Variants in CORIN observed in about 807,000 individuals in gnomAD.
CORIN encodes atrial natriuretic peptide-converting enzyme.
CORIN carries 117 observed loss-of-function variants against 125.3 expected under a neutral mutation model. The ratio of observed to expected loss-of-function variants is 0.93; its 90% CI spans 0.80 to 1.09. The LOEUF is 1.09. Among genes scored for constraint, CORIN ranks in the 50% least tolerant of loss-of-function variants. The pLI, the probability that CORIN is intolerant of heterozygous loss-of-function variation, is 0.00. For missense variants in CORIN, 1,253 were observed against 1,306.7 expected (o/e 0.96, Z 0.63); for synonymous variants, 450 against 466.4 (o/e 0.96, Z 0.45).
At chr4:47,730,196 C>T (rs1487801404) in intron 5 of CORIN, among the ~76,000 whole-genome samples, 3 of 152,104 alleles carry the variant, frequency 2.0e-5, no homozygotes, top group East Asian at 1.9e-4. Flanking sequence ...GCTTGCAGGC[C>T]GGGCGCGGTG....
rs1256689906 is a variant in CORIN at position 47,811,460 on chromosome 4, A to AGTGTGTT, written c.64-4414_64-4413insAACACAC. On this transcript the variant is annotated intron_variant, in intron 1 of 21. Transcript: ENST00000273857. ...TCAGGCAGCATTTGACTTTGTCAAC[A>AGTGTGTT]CATGGTGCATTCCTGAGGGCACATC... 4.7e-4 allele frequency among the ~76,000 whole-genome samples: 71 copies of AGTGTGTT among 152,346 alleles called. 1 individual carries two copies. In the East Asian group the frequency reaches 0.013, roughly 27 times the overall value.
intron 16 of CORIN, among the ~76,000 whole-genome samples, chr4:47,629,679 C>T (rs1722729649): frequency 6.6e-6 from 1 of 152,068 alleles, no homozygotes; most frequent in South Asian, 2.1e-4. Context: ...ATACATTTCC[C>T]TCCTTTGCTA....
At chr4:47,773,841 C>T (rs1048762046) in intron 3 of CORIN, among the ~76,000 whole-genome samples, 7 of 151,084 alleles carry the variant, frequency 4.6e-5, no homozygotes, top group African/African-American at 1.7e-4. Context: ...AAACCAGGTT[C>T]ATTGATTTGA....
rs950902999 is a variant in CORIN, at chr4:47,688,856, GT to G, written c.913+4113del. ...TTAGTACTTCTTCCATAAGCATAGA[GT>G]TTTTTTATTTTTATAATTTTGATGA... is the stretch of plus-strand genomic sequence containing the variant. On this transcript the variant is annotated intron_variant, in intron 6 of 21. Coordinates refer to ENST00000273857, the MANE Select transcript of CORIN (RefSeq NM_006587.4). Among the ~76,000 whole-genome samples, 5 of 152,060 alleles carry G rather than the reference GT, an allele frequency of 3.3e-5. No homozygotes were observed. In the South Asian group the frequency reaches 6.2e-4, roughly 19 times the overall value.
intron 5 of CORIN, among the ~76,000 whole-genome samples, chr4:47,693,697 T>C (rs1278238424): frequency 6.6e-6 from 1 of 152,254 alleles, no homozygotes; most frequent in Non-Finnish European, 1.5e-5. Flanking sequence ...AAAATTTTCA[T>C]TTATTTTTCC....
At chr4:47,684,876 G>A (rs776571007) in intron 6 of CORIN, among the ~76,000 whole-genome samples, 2 of 152,002 alleles carry the variant, frequency 1.3e-5, no homozygotes, top group Admixed American at 6.6e-5. Context: ...GGTGCTCAAC[G>A]TTATTAGTCA....
intron 16 of CORIN, among the ~76,000 whole-genome samples, chr4:47,629,512 A>G (rs1348155411): frequency 6.6e-6 from 1 of 152,186 alleles, no homozygotes; most frequent in Non-Finnish European, 1.5e-5. Context: ...ACAGAAAAAT[A>G]TATCGACAAT....
intron 16 of CORIN, among the ~76,000 whole-genome samples, chr4:47,629,754 A>T (rs1376313224): frequency 6.6e-6 from 1 of 152,172 alleles, no homozygotes; most frequent in African/African-American, 2.4e-5. Flanking sequence ...TCTTTCCACC[A>T]TAACAGCTAA....
chr4:47,788,006 T>C (rs997492377), intron 2 of CORIN, among the ~76,000 whole-genome samples: 1 of 152,264 alleles, frequency 6.6e-6, no homozygotes, highest in African/African-American at 2.4e-5. Context: ...TTGCTTTGTC[T>C]TTAGGAAGAA....
chr4:47,825,457 G>A (rs1040590086), intron 1 of CORIN, among the ~76,000 whole-genome samples: 2 of 152,112 alleles, frequency 1.3e-5, no homozygotes, highest in Admixed American at 1.3e-4. Flanking sequence ...GGGACCCAGC[G>A]ATCCATGTTG....
intron 5 of CORIN, among the ~76,000 whole-genome samples, chr4:47,734,116 A>G (rs1728013323): frequency 6.6e-6 from 1 of 152,160 alleles, no homozygotes. Flanking sequence ...ATTTAAAATA[A>G]GCTGGGAATG....
intron 5 of CORIN, among the ~76,000 whole-genome samples, chr4:47,731,052 A>G (rs1727852127): frequency 6.6e-6 from 1 of 152,188 alleles, no homozygotes; most frequent in South Asian, 2.1e-4. Flanking sequence ...TGACAGTTGA[A>G]CCACTAAAAT....
rs758207729 is a variant in CORIN at position 47,595,771 on chromosome 4, C to T, written c.3079G>A (p.Val1027Ile). 9.3e-6 allele frequency: 15 copies of T among 1,612,672 alleles called. No individual in the cohort carries two copies. The highest frequency in any genetic ancestry group is 5.0e-5 in the Admixed American group (3 of 59,662). Residue 1027 changes from valine to isoleucine, a missense_variant, in exon 22 of 22, where the codon GTC becomes ATC. By Grantham distance (29) the Val-to-Ile change is conservative (BLOSUM62 3). Transcript: ENST00000273857. ...PGVYSNVSYF[V>I]EWIKRQIYIQ... ...TAAATCTGTCTTTTAATCCATTCGACGAAATATGACACATTACTATAAACG... is the reference window on the plus strand; with the variant it reads ...TAAATCTGTCTTTTAATCCATTCGATGAAATATGACACATTACTATAAACG...
chr4:47,669,719 C>A (rs1298658861), intron 10 of CORIN, among the ~76,000 whole-genome samples: 1 of 152,088 alleles, frequency 6.6e-6, no homozygotes, highest in Admixed American at 6.5e-5. Context: ...CAGGTGCCCA[C>A]CACCACGTCC....
intron 5 of CORIN, among the ~76,000 whole-genome samples, chr4:47,718,484 T>C (rs982529120): frequency 6.6e-6 from 1 of 152,216 alleles, no homozygotes; most frequent in Admixed American, 6.5e-5. Context: ...TTAGCAGTCA[T>C]TGGCATCCAG....
chr4:47,669,717 C>T (rs1724655382), intron 10 of CORIN, among the ~76,000 whole-genome samples: 1 of 151,970 alleles, frequency 6.6e-6, no homozygotes, highest in Non-Finnish European at 1.5e-5. Flanking sequence ...TACAGGTGCC[C>T]ACCACCACGT....
At chr4:47,657,812 G>A (rs969859574) in intron 12 of CORIN, among the ~76,000 whole-genome samples, 1 of 152,014 alleles carries the variant, frequency 6.6e-6, no homozygotes, top group African/African-American at 2.4e-5. Context: ...CATTTATGAA[G>A]GATCTGCCCC....
At chr4:47,742,568 T>C (rs1433600152) in intron 5 of CORIN, among the ~76,000 whole-genome samples, 2 of 152,022 alleles carry the variant, frequency 1.3e-5, no homozygotes, top group Non-Finnish European at 2.9e-5. Flanking sequence ...CTATAACACA[T>C]AATTGAGAGA....
At chr4:47,819,304 A>C (rs2109972490) in intron 1 of CORIN, among the ~76,000 whole-genome samples, 1 of 152,364 alleles carries the variant, frequency 6.6e-6, no homozygotes, top group African/African-American at 2.4e-5. Context: ...GACTTCACAA[A>C]GGAAGTCTAG....
Sources: allele counts gnomAD v4.1 joint callset (sites outside exome capture counted in the v4.1 genomes callset), GRCh38; gene constraint gnomAD v4.1.1; transcripts MANE v1.5; gene names NCBI Gene and HGNC (gene_info 2026-07-23, HGNC 2026-07-21).